Variants in HCN1 observed in about 807,000 individuals in gnomAD.
HCN1 encodes hyperpolarization activated cyclic nucleotide gated potassium channel 1, also known as potassium/sodium hyperpolarization-activated cyclic nucleotide-gated channel 1.
Under a neutral mutation model 78.9 loss-of-function variants are expected in HCN1, and 13 were observed. That is an observed-to-expected ratio of 0.16 (90% CI 0.11 to 0.26). HCN1 has a LOEUF of 0.26. HCN1 is among the 10% of genes least tolerant of loss of function. The pLI is 1.00. For missense variants in HCN1, 810 were observed against 1,154.3 expected (o/e 0.70, Z 4.32); for synonymous variants, 552 against 455.5 (o/e 1.21, Z -2.70).
At chr5:45,551,274 C>T (rs565430247) in intron 2 of HCN1, among the ~76,000 whole-genome samples, 79 of 151,472 alleles carry the variant, frequency 5.2e-4, no homozygotes, top group East Asian at 1.8e-3. Flanking sequence ...AAACTAATGA[C>T]GAAAAAAGTG....
At chr5:45,262,966 G>T (rs1435657075) in intron 7 of HCN1, among the ~76,000 whole-genome samples, 156 bp from the exon 8 acceptor site, 1 of 152,078 alleles carries the variant, frequency 6.6e-6, no homozygotes, top group African/African-American at 2.4e-5. Flanking sequence ...TACCAATGTG[G>T]CTCCTACCTT....
At chr5:45,373,032 A>G (rs1367218779) in intron 4 of HCN1, among the ~76,000 whole-genome samples, 1 of 137,140 alleles carries the variant, frequency 7.3e-6, no homozygotes, top group Non-Finnish European at 1.5e-5. Flanking sequence ...TTTTACATAT[A>G]TTAAATATAT....
chr5:45,509,153 T>C (rs570676717), intron 2 of HCN1, among the ~76,000 whole-genome samples: 1 of 152,296 alleles, frequency 6.6e-6, no homozygotes, highest in Admixed American at 6.5e-5. Flanking sequence ...CATGTCAGCA[T>C]TGTATCATTT....
At chr5:45,597,963 C>A (rs1165517868) in intron 2 of HCN1, among the ~76,000 whole-genome samples, 3 of 152,126 alleles carry the variant, frequency 2.0e-5, no homozygotes, top group African/African-American at 7.2e-5. Context: ...TAGGCAGAAT[C>A]AACATCGTGA....
intron 2 of HCN1, among the ~76,000 whole-genome samples, chr5:45,588,500 G>A (rs978005939): frequency 9.9e-5 from 15 of 152,102 alleles, no homozygotes; most frequent in African/African-American, 3.6e-4. Flanking sequence ...CTTTACTTGT[G>A]CAGCACTGCC....
At chr5:45,410,327 TA>T (rs1739999937) in intron 3 of HCN1, among the ~76,000 whole-genome samples, 1 of 152,000 alleles carries the variant, frequency 6.6e-6, no homozygotes, top group South Asian at 2.1e-4. Context: ...ATCTAATTAT[TA>T]TTGTAATCTA....
rs1047722844 is a variant in HCN1, at chr5:45,402,789, CCTTTCCTTT to C, written c.1012-6088_1012-6080del. Among the ~76,000 whole-genome samples, 6 of 149,210 alleles carry C rather than the reference CCTTTCCTTT, an allele frequency of 4.0e-5. No homozygotes were observed. The East Asian group carries it at 9.9e-4, about 25-fold the overall frequency. ...TCTTTCTTTCCTTCTTTCTTCCTTT[CCTTTCCTTT>C]CTTTCCTTTCTTTCCTCCTTCCTTC... On this transcript the variant is annotated intron_variant, in intron 3 of 7. Transcript: ENST00000303230.
chr5:45,555,646 A>G (rs999168415), intron 2 of HCN1, among the ~76,000 whole-genome samples: 2 of 151,902 alleles, frequency 1.3e-5, no homozygotes, highest in Non-Finnish European at 2.9e-5. Context: ...ACTTCAAATT[A>G]TACTACAAAG....
intron 3 of HCN1, among the ~76,000 whole-genome samples, chr5:45,442,015 GTTGT>G (rs1740688864): frequency 6.6e-6 from 1 of 152,050 alleles, no homozygotes; most frequent in Non-Finnish European, 1.5e-5. Context: ...TAACTTGTCT[GTTGT>G]TTGTCTGTTG....
intron 3 of HCN1, among the ~76,000 whole-genome samples, chr5:45,403,702 A>G (rs1173281107): frequency 6.6e-6 from 1 of 152,182 alleles, no homozygotes; most frequent in East Asian, 1.9e-4. Flanking sequence ...GCCAAACCAT[A>G]TCAGGGCTCA....
Position 45,382,552 on chromosome 5 carries a change from G to C in HCN1, c.1230+13940C>G, listed in dbSNP as rs373768717. The stretch of plus-strand genomic sequence containing the variant: ...GCTTATTTGCTTCTTTTAAATTTTT[G>C]ACTTACTTATTAATTGATTTTTGGT... On this transcript the variant is annotated intron_variant, in intron 4 of 7. Coordinates refer to ENST00000303230, the MANE Select transcript of HCN1 (RefSeq NM_021072.4). Among the ~76,000 whole-genome samples, 3 of 151,916 alleles carry C rather than the reference G, an allele frequency of 2.0e-5. No homozygotes were observed. In the East Asian group the frequency reaches 5.8e-4, roughly 29 times the overall value.
intron 4 of HCN1, among the ~76,000 whole-genome samples, chr5:45,382,087 G>A (rs1295647710): frequency 6.6e-6 from 1 of 152,078 alleles, no homozygotes; most frequent in African/African-American, 2.4e-5. Flanking sequence ...TCTTTTCTCT[G>A]ATAATAAAAC....
chr5:45,566,100 A>G (rs895264123), intron 2 of HCN1, among the ~76,000 whole-genome samples: 1 of 152,192 alleles, frequency 6.6e-6, no homozygotes, highest in African/African-American at 2.4e-5. Flanking sequence ...AACAGATGAC[A>G]GAATTTATTT....
intron 2 of HCN1, among the ~76,000 whole-genome samples, chr5:45,495,481 C>T (rs1742005651): frequency 6.6e-6 from 1 of 151,190 alleles, no homozygotes; most frequent in Non-Finnish European, 1.5e-5. Context: ...AGTTGCTTAT[C>T]AGCTTAAGGA....
intron 6 of HCN1, among the ~76,000 whole-genome samples, chr5:45,298,527 G>C (rs1427141041): frequency 1.3e-5 from 2 of 151,996 alleles, no homozygotes; most frequent in African/African-American, 4.8e-5. Context: ...AATTGGAAGA[G>C]ATCCCAATAG....
intron 5 of HCN1, among the ~76,000 whole-genome samples, chr5:45,322,198 C>G (rs1746139184): frequency 6.6e-6 from 1 of 151,896 alleles, no homozygotes. Flanking sequence ...AAACATGGAG[C>G]CTAAGGACAC....
intron 5 of HCN1, among the ~76,000 whole-genome samples, chr5:45,308,032 G>A (rs530238237): frequency 6.6e-6 from 1 of 152,140 alleles, no homozygotes; most frequent in Admixed American, 6.6e-5. Flanking sequence ...TTCAGTCATG[G>A]GGGAGAAGAA....
chr5:45,268,938 C>T (rs1035672958), intron 6 of HCN1, among the ~76,000 whole-genome samples: 3 of 152,172 alleles, frequency 2.0e-5, no homozygotes, highest in African/African-American at 7.2e-5. Flanking sequence ...TCCTGTGTCA[C>T]TAAAGTACTA....
At chr5:45,363,386 C>T (rs1747165112) in intron 4 of HCN1, among the ~76,000 whole-genome samples, 2 of 151,386 alleles carry the variant, frequency 1.3e-5, no homozygotes, top group African/African-American at 2.4e-5. Context: ...GTAGGTTACA[C>T]CACATAAGGC....
Sources: allele counts gnomAD v4.1 joint callset (sites outside exome capture counted in the v4.1 genomes callset), GRCh38; gene constraint gnomAD v4.1.1; transcripts MANE v1.5; gene names NCBI Gene and HGNC (gene_info 2026-07-23, HGNC 2026-07-21).